The following CSNK1G2 variants were observed in gnomAD, a reference collection of about 807,000 sequenced individuals.
CSNK1G2 encodes casein kinase I isoform gamma-2.
CSNK1G2 carries 11 observed loss-of-function variants against 48.0 expected under a neutral mutation model. That is an observed-to-expected ratio of 0.23 (90% CI 0.14 to 0.38). CSNK1G2 has a LOEUF of 0.38. Among genes scored for constraint, CSNK1G2 ranks in the 10% least tolerant of loss-of-function variants. The pLI is 1.00. For missense variants in CSNK1G2, 446 were observed against 595.5 expected, an observed-to-expected ratio of 0.75 and a Z score of 2.61; for synonymous variants, 337 against 254.1, an observed-to-expected ratio of 1.33 and a Z score of -3.10.
At chr19:1,952,014 C>G (rs960594797) in intron 1 of CSNK1G2, among the ~76,000 whole-genome samples, 2 of 152,168 alleles carry the variant, frequency 1.3e-5, no homozygotes, top group Non-Finnish European at 2.9e-5. Context: ...CATCATGAAA[C>G]AGGACCTTAA....
intron 1 of CSNK1G2, among the ~76,000 whole-genome samples, chr19:1,965,006 G>A (rs2015320135): frequency 6.6e-6 from 1 of 151,256 alleles, no homozygotes; most frequent in South Asian, 2.1e-4. Context: ...GATTACAGGT[G>A]TGAGCCACCG....
chr19:1,946,858 G>A (rs1398004459), intron 1 of CSNK1G2, among the ~76,000 whole-genome samples: 4 of 151,872 alleles, frequency 2.6e-5, no homozygotes, highest in African/African-American at 4.8e-5. Context: ...TGATCTGCCC[G>A]CCTCGGCCTC....
intron 8 of CSNK1G2, 25 bp downstream of exon 8, chr19:1,979,428 C>CGGGGGGGG: frequency 6.5e-7 from 1 of 1,529,884 alleles, no homozygotes; most frequent in Non-Finnish European, 8.8e-7. Flanking sequence ...CGCCCCCGCC[C>CGGGGGGGG]TGTGCCCCCC....
At chr19:1,953,574 G>A (rs958023740) in intron 1 of CSNK1G2, 34 of 482,488 alleles carry the variant, frequency 7.0e-5, no homozygotes, top group African/African-American at 9.8e-5. Flanking sequence ...CAAGGCTGCC[G>A]GTGGTGTTTG....
intron 1 of CSNK1G2, among the ~76,000 whole-genome samples, chr19:1,943,650 G>A (rs1035954368): frequency 6.6e-6 from 1 of 152,006 alleles, no homozygotes; most frequent in African/African-American, 2.4e-5. Flanking sequence ...GGAACTGGTG[G>A]GGGTTACCGC....
intron 2 of CSNK1G2, among the ~76,000 whole-genome samples, chr19:1,972,274 C>T (rs1203549227): frequency 2.6e-5 from 4 of 152,222 alleles, no homozygotes; most frequent in Admixed American, 6.5e-5. Flanking sequence ...CTGAATAGAA[C>T]TAACTGCCCA....
In CSNK1G2 at chr19:1,966,530, G is replaced by A. The variant is rs578074063; in HGVS notation, c.-265-2978G>A. On this transcript the variant is annotated intron_variant, in intron 1 of 11. Coordinates refer to ENST00000255641, the MANE Select transcript of CSNK1G2 (RefSeq NM_001319.7). ...CAGTGAAGATTCTGTGAACCTGGGG[G>A]TAATGAGGACAAAGAACTTGGAACA... Among the ~76,000 whole-genome samples, 9 of 152,292 alleles carry A rather than the reference G, an allele frequency of 5.9e-5. No individual in the cohort carries two copies. The South Asian group carries it at 1.9e-3, about 32-fold the overall frequency.
chr19:1,972,408 A>G (rs896903259), intron 2 of CSNK1G2, among the ~76,000 whole-genome samples: 3 of 152,244 alleles, frequency 2.0e-5, no homozygotes, highest in Admixed American at 2.0e-4. Flanking sequence ...GTTGTCTAGA[A>G]TGTTCTAGAA....
chr19:1,950,697 A>C (rs2014732383), intron 1 of CSNK1G2, among the ~76,000 whole-genome samples: 1 of 145,008 alleles, frequency 6.9e-6, no homozygotes, highest in Non-Finnish European at 1.5e-5. Context: ...CCGCCCACCG[A>C]ACACCAAGGC....
intron 1 of CSNK1G2, among the ~76,000 whole-genome samples, chr19:1,961,931 T>C (rs1160032052): frequency 6.6e-6 from 1 of 152,098 alleles, no homozygotes; most frequent in Non-Finnish European, 1.5e-5. Flanking sequence ...TCCTGCCACC[T>C]CCCTCGTGTC....
rs542361268 is a variant in CSNK1G2 at position 1,964,303 on chromosome 19, CAAAA to C, written c.-265-5199_-265-5196del. Reference sequence around the variant, plus strand: ...GTGAGACCCTGTGTTAAAAAAAAAACAAAAAAAAACCAGGTTCAAGGTGAAAAGG... The same window carrying C: ...GTGAGACCCTGTGTTAAAAAAAAAACAAAAACCAGGTTCAAGGTGAAAAGG... On this transcript the variant is annotated intron_variant, in intron 1 of 11. Coordinates refer to ENST00000255641, the MANE Select transcript of CSNK1G2 (RefSeq NM_001319.7). Among the ~76,000 whole-genome samples, 808 of 126,548 alleles carry C rather than the reference CAAAA, an allele frequency of 6.4e-3. 22 individuals carry two copies. The highest frequency in any genetic ancestry group is 0.051 in the Admixed American group (682 of 13,402). 83.0% of individuals were successfully genotyped at this position (126,548 alleles called of 152,430 possible).
intron 1 of CSNK1G2, among the ~76,000 whole-genome samples, chr19:1,958,651 T>TC (rs2015084478): frequency 2.2e-5 from 1 of 46,280 alleles, no homozygotes; most frequent in Admixed American, 3.1e-4. Flanking sequence ...CTAGGCACTG[T>TC]CCCCCGTCCC....
chr19:1,957,269 C>T lies in CSNK1G2; in HGVS notation c.-265-12239C>T, dbSNP rs2015030425. ...GAGAGCAGGCCAGTGGCCCTGTGCC[C>T]AGGAGGGTGCCTTGCCCAGCCTGGA... is the stretch of plus-strand genomic sequence containing the variant. On this transcript the variant is annotated intron_variant, in intron 1 of 11. Coordinates refer to ENST00000255641, the MANE Select transcript of CSNK1G2 (RefSeq NM_001319.7). The surrounding 1 kb of genome is among the most constrained non-coding windows in gnomAD (Gnocchi z 5.4). Among the ~76,000 whole-genome samples the T allele has an allele frequency of 6.6e-6, 1 of 152,212 alleles. No homozygotes were observed. The highest frequency in any genetic ancestry group is 6.5e-5 in the Admixed American group (1 of 15,284).
chr19:1,963,630 C>T (rs1389980284), intron 1 of CSNK1G2, among the ~76,000 whole-genome samples: 1 of 151,832 alleles, frequency 6.6e-6, no homozygotes, highest in Admixed American at 6.6e-5. Flanking sequence ...GCCTCAGCCT[C>T]CCGAGTAGCT....
At chr19:1,976,612 C>T (rs929642683) in intron 2 of CSNK1G2, among the ~76,000 whole-genome samples, 9 of 152,228 alleles carry the variant, frequency 5.9e-5, no homozygotes, top group Admixed American at 1.3e-4. Context: ...TGACTGTGTA[C>T]AGCTCAGCCA....
chr19:1,967,248 C>G (rs1194307694), intron 1 of CSNK1G2, among the ~76,000 whole-genome samples: 1 of 152,148 alleles, frequency 6.6e-6, no homozygotes, highest in Non-Finnish European at 1.5e-5. Flanking sequence ...ACGCCGGTGC[C>G]TTCGTTTCTG....
At chr19:1,968,365 C>T (rs1043615682) in intron 1 of CSNK1G2, among the ~76,000 whole-genome samples, 8 of 151,830 alleles carry the variant, frequency 5.3e-5, no homozygotes, top group African/African-American at 1.9e-4. Context: ...GCTCCTCCCT[C>T]CTCCCTCCTC....
intron 1 of CSNK1G2, among the ~76,000 whole-genome samples, chr19:1,950,870 T>G (rs201444820): frequency 6.8e-6 from 1 of 146,046 alleles, no homozygotes; most frequent in African/African-American, 2.6e-5. Context: ...GTGGGGGTTA[T>G]GGGGTATCAT....
At position 1,978,520 on chromosome 19, in the gene CSNK1G2, C is replaced by A; in HGVS notation, c.298+9C>A. On this transcript the variant is annotated intron_variant, in intron 4 of 11. Transcript: ENST00000255641. The surrounding 1 kb of genome is among the most constrained non-coding windows in gnomAD (Gnocchi z 7.3). ...GCAGCTCAGCGCCACAGGTACCGGG[C>A]GGCCCGCGGGTGGGGCGGGGGCTGC... 4.4e-6 allele frequency: 7 copies of A among 1,575,728 alleles called. No homozygotes were observed. Among genetic ancestry groups the A allele is most frequent in the Non-Finnish European group, 6.0e-6 (7 of 1,161,926 alleles).
Sources: gnomAD v4.1 joint callset for allele counts (sites outside exome capture counted in the v4.1 genomes callset) on GRCh38, gnomAD v4.1.1 for gene constraint, Gnocchi (gnomAD v3.1) non-coding constraint, MANE v1.5 for transcripts, NCBI Gene and HGNC (gene_info 2026-07-23, HGNC 2026-07-21) for gene names.